NEDD9: variants seen among roughly 807,000 people sequenced by gnomAD.
NEDD9 encodes enhancer of filamentation 1.
In NEDD9, 26 loss-of-function variants were observed where a neutral mutation model predicts 76.6. That is an observed-to-expected ratio of 0.34 (90% CI 0.25 to 0.47). The LOEUF is 0.47. Among genes scored for constraint, NEDD9 ranks in the 20% least tolerant of loss-of-function variants. The probability of loss-of-function intolerance (pLI) is 1.00; values close to 1 mark genes in which losing one functional copy is unlikely to be tolerated. For missense variants in NEDD9, 937 were observed against 1,058.5 expected (o/e 0.89, Z 1.59); for synonymous variants, 392 against 414.2 (o/e 0.95, Z 0.65).
At position 11,213,706 on chromosome 6, in the gene NEDD9, A is replaced by G. The variant is rs752038425; in HGVS notation, c.34T>C (p.Tyr12His). The G allele has an allele frequency of 6.2e-7, 1 of 1,614,130 alleles. No homozygotes were observed. Among genetic ancestry groups the G allele is most frequent in the Non-Finnish European group, 8.5e-7 (1 of 1,179,996 alleles). ...KYKNLMARAL[Y>H]DNVPECAEEL... Reference sequence around the variant, plus strand: ...TCGGCACACTCTGGGACATTGTCATATAAGGCCCTTGCCATAAGATTCTAG... The same window carrying G: ...TCGGCACACTCTGGGACATTGTCATGTAAGGCCCTTGCCATAAGATTCTAG... Residue 12 changes from tyrosine (Y) to histidine (H), a missense_variant, in exon 2 of 7, where the codon TAT (tyrosine) becomes CAT (histidine). Physicochemically the swap from Tyr to His is moderately conservative, Grantham distance 83. Transcript: ENST00000379446. The surrounding 1 kb of genome is among the most constrained non-coding windows in gnomAD (Gnocchi z 5.4).
intron 3 of NEDD9, among the ~76,000 whole-genome samples, chr6:11,243,300 G>A (rs1367869267): frequency 6.6e-6 from 1 of 152,160 alleles, no homozygotes; most frequent in Non-Finnish European, 1.5e-5. Context: ...CTAGAAAAAA[G>A]AAATGAAAAA....
rs1759933427 is a variant in NEDD9, at chr6:11,252,559, C to T, written c.13-38832G>A. On this transcript the variant is annotated intron_variant, in intron 3 of 3. Transcript: ENST00000397378. The surrounding 1 kb of genome is among the most constrained non-coding windows in gnomAD (Gnocchi z 4.3). The stretch of plus-strand genomic sequence containing the variant: ...ACCCCCTTCCATGGTCAAAGAAACC[C>T]TGTAGAGAGCAGAAAGGAGCTGGTA... 6.6e-6 allele frequency among the ~76,000 whole-genome samples: 1 copy of T among 152,164 alleles called. No homozygotes were observed. The highest frequency in any genetic ancestry group is 2.1e-4 in the South Asian group (1 of 4,832).
intron 2 of NEDD9, among the ~76,000 whole-genome samples, chr6:11,307,011 T>C (rs773704579): frequency 2.0e-5 from 3 of 152,208 alleles, no homozygotes; most frequent in Non-Finnish European, 4.4e-5. Flanking sequence ...AACCCTGATA[T>C]TTAAACCACA....
In NEDD9 at chr6:11,185,683, A is replaced by AC. The variant is rs754998371; in HGVS notation, c.1996-13dup. 8.1e-6 allele frequency: 13 copies of AC among 1,613,718 alleles called. No individual in the cohort carries two copies. The Middle Eastern group carries it at 4.9e-4, about 61-fold the overall frequency. Reference sequence around the variant, plus strand: ...TGGAACTGGCTCAGCTGCAAGGAAGACGAAAGCAGATCTCATTAGAGCAAG... The same window carrying AC: ...TGGAACTGGCTCAGCTGCAAGGAAGACCGAAAGCAGATCTCATTAGAGCAAG... On this transcript the variant is annotated splice_polypyrimidine_tract_variant and intron_variant, in intron 6 of 6. Coordinates refer to ENST00000379446, the MANE Select transcript of NEDD9 (RefSeq NM_006403.4).
chr6:11,239,262 T>G (rs1042045740), intron 3 of NEDD9, among the ~76,000 whole-genome samples: 1 of 152,244 alleles, frequency 6.6e-6, no homozygotes, highest in Non-Finnish European at 1.5e-5. Flanking sequence ...TTACATGGTT[T>G]CTTTTGTGAG....
rs368480197 is a variant in NEDD9 at position 11,190,524 on chromosome 6, G to T, written c.1345C>A (p.Arg449Ser). 3 of 1,614,196 alleles carry T rather than the reference G, an allele frequency of 1.9e-6. No individual in the cohort carries two copies. Among genetic ancestry groups the T allele is most frequent in the East Asian group, 2.2e-5 (1 of 44,868 alleles). Reference sequence around the variant, plus strand: ...AGCTCCACCTTGTCCACTGCTGTGCGTATTTCATTGATGTGTCTTTCCATA... The same window carrying T: ...AGCTCCACCTTGTCCACTGCTGTGCTTATTTCATTGATGTGTCTTTCCATA... ...GYMERHINEIRTAVDKVELFL... is the reference protein window; with the variant it reads ...GYMERHINEISTAVDKVELFL... The change falls in exon 5 of 7, where the codon CGC becomes AGC. Residue 449 changes from arginine (R) to serine (S), a missense_variant. Transcript: ENST00000379446. This position sits in a 1 kb window ranked among gnomAD's most constrained non-coding sequence, Gnocchi z 5.8.
At chr6:11,313,160 G>A (rs1761426350) in intron 2 of NEDD9, among the ~76,000 whole-genome samples, 1 of 152,080 alleles carries the variant, frequency 6.6e-6, no homozygotes, top group African/African-American at 2.4e-5. Context: ...ATGGTTGGTG[G>A]ATGGGTAGAT....
chr6:11,280,974 G>A (rs1415037664), intron 3 of NEDD9, among the ~76,000 whole-genome samples: 1 of 152,348 alleles, frequency 6.6e-6, no homozygotes, highest in Non-Finnish European at 1.5e-5. Flanking sequence ...GACCTTCAAG[G>A]CCTCTTTGAA....
chr6:11,332,615 T>C (rs920700953), intron 2 of NEDD9, among the ~76,000 whole-genome samples: 1 of 152,242 alleles, frequency 6.6e-6, no homozygotes, highest in Non-Finnish European at 1.5e-5. Flanking sequence ...TTGCACTCTG[T>C]GCTTAACTTG....
At chr6:11,254,814 AG>A (rs1759972313) in intron 3 of NEDD9, among the ~76,000 whole-genome samples, 1 of 152,200 alleles carries the variant, frequency 6.6e-6, no homozygotes, top group Non-Finnish European at 1.5e-5. Context: ...ATCCTCTCTT[AG>A]AAGTCGGAGT....
At chr6:11,303,065 G>A (rs1378648542) in intron 3 of NEDD9, among the ~76,000 whole-genome samples, 2 of 152,186 alleles carry the variant, frequency 1.3e-5, no homozygotes, top group Non-Finnish European at 2.9e-5. Flanking sequence ...AGGAAAGGAG[G>A]AAGTCAAATT....
intron 3 of NEDD9, chr6:11,305,968 C>T (rs1347900720): frequency 1.7e-5 from 27 of 1,613,316 alleles, no homozygotes; most frequent in Non-Finnish European, 2.2e-5. Context: ...CACAAATTGT[C>T]TGTTTTTTTC....
chr6:11,354,616 C>T (rs967808090), intron 1 of NEDD9, among the ~76,000 whole-genome samples: 1 of 152,182 alleles, frequency 6.6e-6, no homozygotes. Context: ...TGGACATTTG[C>T]TGTTTTCACC....
At chr6:11,233,292 A>G (rs1035163114), upstream of NEDD9, 1 of 519,044 alleles carries the variant, frequency 1.9e-6, no homozygotes, top group Non-Finnish European at 3.8e-6. Flanking sequence ...TCCCTTAGTG[A>G]AAAGGAACCC....
intron 2 of NEDD9, among the ~76,000 whole-genome samples, chr6:11,324,751 C>T (rs897701389): frequency 7.5e-6 from 1 of 133,758 alleles, no homozygotes; most frequent in African/African-American, 3.0e-5. Flanking sequence ...AAGTGACTCC[C>T]AAGTGTGTTT....
At chr6:11,229,953 AATC>A (rs1670516817) in intron 1 of NEDD9, among the ~76,000 whole-genome samples, 1 of 152,210 alleles carries the variant, frequency 6.6e-6, no homozygotes, top group African/African-American at 2.4e-5. Context: ...CAAACCAGAT[AATC>A]AGGTTAACAA....
At chr6:11,228,469 G>A (rs1019333879) in intron 1 of NEDD9, among the ~76,000 whole-genome samples, 16 of 152,164 alleles carry the variant, frequency 1.1e-4, no homozygotes, top group East Asian at 1.9e-4. Context: ...GGCAGAGGTC[G>A]CAGTGAGCTG....
At position 11,336,086 on chromosome 6, in the gene NEDD9, C is replaced by A. The variant is rs190561860; in HGVS notation, c.-213-1525G>T. ...CTTTTCCCTAGTCACCTCCTCCTGCCCTCACCTCCCTCAGAGTCAGCCTTT... is the reference window on the plus strand; with the variant it reads ...CTTTTCCCTAGTCACCTCCTCCTGCACTCACCTCCCTCAGAGTCAGCCTTT... On this transcript the variant is annotated intron_variant, in intron 1 of 3. Transcript: ENST00000397378. Among the ~76,000 whole-genome samples, 453 of 152,286 alleles carry A rather than the reference C, an allele frequency of 3.0e-3. 11 individuals carry two copies. Among genetic ancestry groups the A allele is most frequent in the South Asian group, 1.0e-3 (5 of 4,826 alleles).
At chr6:11,326,958 T>C (rs1269241402) in intron 2 of NEDD9, among the ~76,000 whole-genome samples, 1 of 152,234 alleles carries the variant, frequency 6.6e-6, no homozygotes, top group Non-Finnish European at 1.5e-5. Context: ...GGTAGAGTTG[T>C]GTGGTGAGAA....
Sources: allele counts gnomAD v4.1 joint callset (sites outside exome capture counted in the v4.1 genomes callset), GRCh38; gene constraint gnomAD v4.1.1; non-coding constraint Gnocchi (gnomAD v3.1); transcripts MANE v1.5; gene names NCBI Gene and HGNC (gene_info 2026-07-23, HGNC 2026-07-21).